The following CAPN1 variants were observed in gnomAD, a reference collection of about 807,000 sequenced individuals.
CAPN1 encodes the protein calpain-1 catalytic subunit.
Under a neutral mutation model 105.2 loss-of-function variants are expected in CAPN1, and 77 were observed. That is an observed-to-expected ratio of 0.73 (90% confidence interval 0.61 to 0.88). CAPN1 has a LOEUF of 0.88. CAPN1 is among the 40% of genes least tolerant of loss of function. The pLI is 0.00. For missense variants in CAPN1, 833 were observed against 976.6 expected, an observed-to-expected ratio of 0.85 and a Z score of 1.96; for synonymous variants, 355 against 388.8, an observed-to-expected ratio of 0.91 and a Z score of 1.02.
chr11:65,205,585 C>A, intron 11 of CAPN1, 125 bp from the exon 12 acceptor site: 2 of 917,882 alleles, frequency 2.2e-6, no homozygotes, highest in Non-Finnish European at 3.5e-6. Context: ...GTCCCCAGGG[C>A]CCTGCCTTCT....
At chr11:65,201,948 G>A (rs111620075) in intron 10 of CAPN1, among the ~76,000 whole-genome samples, 5 of 151,406 alleles carry the variant, frequency 3.3e-5, no homozygotes, top group African/African-American at 1.2e-4. Context: ...TCATCCTCCC[G>A]AGTAAGTGGG....
At chr11:65,201,548 C>T (rs1185647859) in intron 10 of CAPN1, among the ~76,000 whole-genome samples, 2 of 151,950 alleles carry the variant, frequency 1.3e-5, no homozygotes, top group East Asian at 1.9e-4. Flanking sequence ...GACGGAGTCT[C>T]GCTCTGTCGC....
In CAPN1 at chr11:65,183,420, C is replaced by T. The variant is rs772377336; in HGVS notation, c.338-54C>T. ...CCCAGATTCTCCCTAGCACCCGCTT[C>T]CCCCCCCGGGGCAGGTTGGTAGAGC... On this transcript the variant is annotated intron_variant, in intron 3 of 21. Transcript: ENST00000279247. The T allele has an allele frequency of 9.2e-6, 12 of 1,305,244 alleles. No individual in the cohort carries two copies. The South Asian group carries it at 1.2e-4, about 13-fold the overall frequency. 80.9% of individuals were successfully genotyped at this position (1,305,244 alleles called of 1,614,324 possible).
intron 10 of CAPN1, among the ~76,000 whole-genome samples, chr11:65,193,631 C>T (rs1350510273): frequency 5.4e-5 from 6 of 112,078 alleles, no homozygotes; most frequent in African/African-American, 2.0e-4. Flanking sequence ...GGCAATAGAG[C>T]GAGACTCTGT....
At chr11:65,201,105 C>T (rs1050653915) in intron 10 of CAPN1, among the ~76,000 whole-genome samples, 1 of 151,652 alleles carries the variant, frequency 6.6e-6, no homozygotes, top group African/African-American at 2.4e-5. Flanking sequence ...CCACCACGCC[C>T]GGGTAATTTT....
chr11:65,187,392 C>G (rs1053337583), intron 7 of CAPN1, 94 bp downstream of exon 7: 3 of 809,796 alleles, frequency 3.7e-6, no homozygotes, highest in Non-Finnish European at 6.2e-6. Context: ...GTGGAAGGTG[C>G]TGGCTCCTCC....
Position 65,209,396 on chromosome 11 carries a change from C to G in CAPN1, c.1794+9C>G. The G allele has an allele frequency of 6.2e-7, 1 of 1,612,410 alleles. No individual in the cohort carries two copies. The highest frequency in any genetic ancestry group is 2.2e-5 in the East Asian group (1 of 44,852). ...TGGTGAACCTCATGGATGTATCCTT[C>G]CGTTTGCTTTTGTCTCCTGAGTGGG... On this transcript the variant is annotated intron_variant, in intron 17 of 21. Coordinates refer to ENST00000279247, the MANE Select transcript of CAPN1 (RefSeq NM_005186.4). The surrounding 1 kb of genome is among the most constrained non-coding windows in gnomAD (Gnocchi z 4.1).
chr11:65,194,980 C>T (rs955549317), intron 10 of CAPN1, among the ~76,000 whole-genome samples: 3 of 152,104 alleles, frequency 2.0e-5, no homozygotes, highest in African/African-American at 7.2e-5. Context: ...TTTTATATCC[C>T]CACCAACAAC....
In CAPN1 at chr11:65,208,181, G is replaced by A. The variant is rs374761448; in HGVS notation, c.1672-24G>A. On this transcript the variant is annotated intron_variant, in intron 15 of 21. Transcript: ENST00000279247. The surrounding 1 kb of genome is among the most constrained non-coding windows in gnomAD (Gnocchi z 4.1). ...GAGGGGCAGCCCTCTCCTGGGGCAG[G>A]TGCCACCTCCTCTCTCTCCCCAGGA... 305 of 1,586,990 alleles carry A rather than the reference G, an allele frequency of 1.9e-4. 1 individual carries two copies. The highest frequency in any genetic ancestry group is 1.8e-3 in the African/African-American group (132 of 74,488).
Position 65,206,667 on chromosome 11 carries a change from G to A in CAPN1, c.1558G>A (p.Gly520Arg). 6.2e-7 allele frequency: 1 copy of A among 1,613,202 alleles called. No homozygotes were observed. The highest frequency in any genetic ancestry group is 8.5e-7 in the Non-Finnish European group (1 of 1,179,774). Residue 520 changes from glycine to arginine, a missense_variant, in exon 13 of 22, where the codon GGG (glycine) becomes AGG (arginine). Transcript: ENST00000279247. ...VLRFFSEKSA[G>R]TVELDDQIQA... is the part of the protein sequence containing the mutation. ...GCGCTTCTTCTCAGAGAAGAGTGCTGGGACTGTGTGAGTCATGGACTGGCC... is the reference window on the plus strand; with the variant it reads ...GCGCTTCTTCTCAGAGAAGAGTGCTAGGACTGTGTGAGTCATGGACTGGCC...
At chr11:65,181,633 C>A (rs758182897), upstream of CAPN1, 28 of 391,744 alleles carry the variant, frequency 7.1e-5, 1 homozygote, top group South Asian at 4.0e-4. This position sits in a 1 kb window ranked among gnomAD's most constrained non-coding sequence, Gnocchi z 4.6. Context: ...CGGCCCTCCC[C>A]CTCCGTTCCC....
At chr11:65,196,291 T>C (rs1948791801) in intron 10 of CAPN1, among the ~76,000 whole-genome samples, 1 of 151,980 alleles carries the variant, frequency 6.6e-6, no homozygotes, top group South Asian at 2.1e-4. Context: ...TTCTTTTTTC[T>C]TAAATCCCAA....
chr11:65,193,339 G>T (rs561347623), intron 10 of CAPN1, among the ~76,000 whole-genome samples: 25 of 151,858 alleles, frequency 1.6e-4, no homozygotes, highest in Non-Finnish European at 3.2e-4. Context: ...GCATGGGATT[G>T]CTCATTTGCA....
chr11:65,208,269 C>A lies in CAPN1; in HGVS notation c.1729+7C>A. 3 of 1,557,298 alleles carry A rather than the reference C, an allele frequency of 1.9e-6. No individual in the cohort carries two copies. The highest frequency in any genetic ancestry group is 2.6e-6 in the Non-Finnish European group (3 of 1,150,154). On this transcript the variant is annotated splice_region_variant and intron_variant, in intron 16 of 21. Coordinates refer to ENST00000279247, the MANE Select transcript of CAPN1 (RefSeq NM_005186.4). This position sits in a 1 kb window ranked among gnomAD's most constrained non-coding sequence, Gnocchi z 4.1. The stretch of plus-strand genomic sequence containing the variant: ...AATAGGATCATCAGCAAACGTGAGT[C>A]CCCGCGGGGCTGTCCCACCACCCCA...
Position 65,187,228 on chromosome 11 carries a change from T to C in CAPN1, c.773T>C (p.Leu258Pro), listed in dbSNP as rs753348867. 1.2e-6 allele frequency: 2 copies of C among 1,612,940 alleles called. No individual in the cohort carries two copies. The highest frequency in any genetic ancestry group is 1.7e-6 in the Non-Finnish European group (2 of 1,179,414). The change falls in exon 7 of 22, where the codon CTA becomes CCA. Residue 258 changes from leucine to proline, a missense_variant. Physicochemically the swap from Leu to Pro is moderately conservative, Grantham distance 98. Transcript: ENST00000279247. ...CTCTTTCTGCAGATCTCCAGCGTTC[T>C]AGACATGGAGGCCATCACTTTCAAG... is the stretch of plus-strand genomic sequence containing the variant. The part of the protein sequence containing the change: ...LGCSIDISSV[L>P]DMEAITFKKL...
rs749230531 is a variant in CAPN1, at chr11:65,209,749, G to A, written c.1795-100G>A. On this transcript the variant is annotated intron_variant, in intron 17 of 21. Coordinates refer to ENST00000279247, the MANE Select transcript of CAPN1 (RefSeq NM_005186.4). This position sits in a 1 kb window ranked among gnomAD's most constrained non-coding sequence, Gnocchi z 4.1. ...GCTGCTTCTCCTCACCCAGCCCCAA[G>A]TCGACTTGCCGGCTCGGCGGCCATC... is the stretch of plus-strand genomic sequence containing the variant. 20 of 1,194,446 alleles carry A rather than the reference G, an allele frequency of 1.7e-5. No homozygotes were observed. The highest frequency in any genetic ancestry group is 2.2e-5 in the Non-Finnish European group (18 of 829,246). 74.0% of individuals were successfully genotyped at this position (1,194,446 alleles called of 1,614,324 possible). A position where few individuals can be genotyped will look rare whatever the true frequency, so the allele number is the denominator to read the frequency against.
At chr11:65,187,646 G>A in intron 7 of CAPN1, 1 of 453,494 alleles carries the variant, frequency 2.2e-6, no homozygotes, top group Non-Finnish European at 4.1e-6. Flanking sequence ...CAACACTTTG[G>A]GAGGCTGAGG....
rs748217590 is a variant in CAPN1 at position 65,209,408 on chromosome 11, G to C, written c.1794+21G>C. The C allele has an allele frequency of 6.2e-7, 1 of 1,607,642 alleles. No homozygotes were observed. The highest frequency in any genetic ancestry group is 8.5e-7 in the Non-Finnish European group (1 of 1,175,276). ...TGGATGTATCCTTCCGTTTGCTTTT[G>C]TCTCCTGAGTGGGGTTTTGGGTGGA... On this transcript the variant is annotated intron_variant, in intron 17 of 21. Coordinates refer to ENST00000279247, the MANE Select transcript of CAPN1 (RefSeq NM_005186.4). The surrounding 1 kb of genome is among the most constrained non-coding windows in gnomAD (Gnocchi z 4.1).
upstream of CAPN1, chr11:65,181,631 C>A: frequency 2.6e-6 from 1 of 390,914 alleles, no homozygotes. The surrounding 1 kb of genome is among the most constrained non-coding windows in gnomAD (Gnocchi z 4.6). Flanking sequence ...CCCGGCCCTC[C>A]CCCTCCGTTC....
Sources: gnomAD v4.1 joint callset for allele counts (sites outside exome capture counted in the v4.1 genomes callset) on GRCh38, gnomAD v4.1.1 for gene constraint, Gnocchi (gnomAD v3.1) non-coding constraint, MANE v1.5 for transcripts, NCBI Gene and HGNC (gene_info 2026-07-23, HGNC 2026-07-21) for gene names.